AGL: variants seen among roughly 807,000 people sequenced by gnomAD.
AGL encodes glycogen debranching enzyme.
AGL carries 128 observed loss-of-function variants against 199.3 expected under a neutral mutation model. The ratio of observed to expected loss-of-function variants is 0.64; its 90% CI spans 0.56 to 0.74. The LOEUF (loss-of-function observed/expected upper bound fraction) is 0.74. Among genes scored for constraint, AGL ranks in the 30% least tolerant of loss-of-function variants. The pLI, the probability that AGL is intolerant of heterozygous loss-of-function variation, is 0.00. For missense variants in AGL, 1,809 were observed against 1,820.8 expected (o/e 0.99, Z 0.12); for synonymous variants, 584 against 594.7 (o/e 0.98, Z 0.26).
chr1:99,881,687 C>T lies in AGL; in HGVS notation c.2304C>T (p.Ile768=). 1 of 1,613,464 alleles carries T rather than the reference C, an allele frequency of 6.2e-7. No individual in the cohort carries two copies. Among genetic ancestry groups the T allele is most frequent in the South Asian group, 1.1e-5 (1 of 91,056 alleles). ...GCAAGGAAGTGCCTCAAATGTGCAT[C>T]CCTGGTAATGCAATCTAAAAATTGT... ...FYSKEVPQMC[I]PGKIEEVVLE... Residue 768 remains isoleucine, a synonymous_variant, in exon 17 of 34, where the codon ATC becomes ATT. Coordinates refer to ENST00000361915, the MANE Select transcript of AGL (RefSeq NM_000642.3).
intron 20 of AGL, among the ~76,000 whole-genome samples, chr1:99,886,069 T>G (rs1218165057): frequency 6.6e-6 from 1 of 152,226 alleles, no homozygotes; most frequent in Non-Finnish European, 1.5e-5. Context: ...TCCAAGAGTT[T>G]CCATCATTAG....
intron 28 of AGL, among the ~76,000 whole-genome samples, chr1:99,911,547 A>G (rs142781407): frequency 7.4e-4 from 113 of 152,286 alleles, no homozygotes; most frequent in African/African-American, 2.7e-3. Flanking sequence ...GATTCAAGCA[A>G]TTCTCCTGTC....
intron 26 of AGL, among the ~76,000 whole-genome samples, chr1:99,901,270 G>A (rs1465300136): frequency 6.6e-6 from 1 of 151,496 alleles, no homozygotes; most frequent in African/African-American, 2.4e-5. Context: ...AAAGAAGCCA[G>A]GTGTATGGCA....
chr1:99,899,346 TCTTAATTTCATG>T (rs984738033), intron 25 of AGL, among the ~76,000 whole-genome samples: 2 of 152,182 alleles, frequency 1.3e-5, no homozygotes, highest in African/African-American at 4.8e-5. Flanking sequence ...CCTTCTTATT[TCTTAATTTCATG>T]CTGTTTCTAG....
At chr1:99,912,222 A>G (rs1194590862) in intron 28 of AGL, among the ~76,000 whole-genome samples, 183 bp from the exon 29 acceptor site, 1 of 152,228 alleles carries the variant, frequency 6.6e-6, no homozygotes, top group African/African-American at 2.4e-5. Flanking sequence ...GATGATAGAC[A>G]ATGGCAAAAC....
At chr1:99,861,802 A>G (rs984002292) in intron 3 of AGL, 89 bp downstream of exon 3, 10 of 1,444,788 alleles carry the variant, frequency 6.9e-6, no homozygotes, top group Non-Finnish European at 9.7e-6. Context: ...TGTATGAACC[A>G]TGGCAGTGCA....
chr1:99,887,907 TTTC>T (rs1652570035), intron 20 of AGL, 68 bp from the exon 21 acceptor site: 2 of 1,553,596 alleles, frequency 1.3e-6, no homozygotes, highest in African/African-American at 1.4e-5. Context: ...TAATTCAGAT[TTTC>T]TTCTTTTGTT....
Position 99,896,514 on chromosome 1 carries a change from T to C in AGL, c.3362+126T>C. 3.9e-6 allele frequency: 3 copies of C among 773,786 alleles called. No individual in the cohort carries two copies. In the South Asian group the frequency reaches 4.5e-5, roughly 12 times the overall value. The allele number at this position is 773,786 out of a possible 1,614,324, so 47.9% of individuals were successfully genotyped here. A position where few individuals can be genotyped will look rare whatever the true frequency, so the allele number is the denominator to read the frequency against. Reference sequence around the variant, plus strand: ...GAGCTGTATTTTCTTTAGGTAGTTTTTATTTTATTTTTGTATGTTCACTTA... The same window carrying C: ...GAGCTGTATTTTCTTTAGGTAGTTTCTATTTTATTTTTGTATGTTCACTTA... On this transcript the variant is annotated intron_variant, in intron 25 of 33. Transcript: ENST00000361915.
chr1:99,916,588 T>C lies in AGL; in HGVS notation c.4348-10T>C. 1.2e-6 allele frequency: 2 copies of C among 1,612,404 alleles called. No homozygotes were observed. On this transcript the variant is annotated splice_polypyrimidine_tract_variant and intron_variant, in intron 32 of 33. Coordinates refer to ENST00000361915, the MANE Select transcript of AGL (RefSeq NM_000642.3). ...ATGGTTTTTTTTGTCTTTTAAATAA[T>C]CTTTTTTAGGAGTGGCTGTGGCCTA...
intron 12 of AGL, among the ~76,000 whole-genome samples, chr1:99,878,456 G>A (rs898541204): frequency 1.3e-5 from 2 of 152,024 alleles, no homozygotes; most frequent in Non-Finnish European, 2.9e-5. Context: ...AATTATAAGT[G>A]TAAACATAAA....
rs700537 is a variant in AGL at position 99,886,159 on chromosome 1, T to A, written c.2681+1456T>A. Reference sequence around the variant, plus strand: ...CCAGACTAACTGGATTTGAATTCCATTGCAGACTCTTATTAGCTATAAGAA... The same window carrying A: ...CCAGACTAACTGGATTTGAATTCCAATGCAGACTCTTATTAGCTATAAGAA... On this transcript the variant is annotated intron_variant, in intron 20 of 33. Transcript: ENST00000361915. Among the ~76,000 whole-genome samples, 984 of 152,290 alleles carry A rather than the reference T, an allele frequency of 6.5e-3. 14 individuals are homozygous for A. Among genetic ancestry groups the A allele is most frequent in the African/African-American group, 0.023 (950 of 41,560 alleles).
At chr1:99,903,332 G>A (rs74540181) in intron 27 of AGL, among the ~76,000 whole-genome samples, 20,636 of 150,524 alleles carry the variant, frequency 0.14, 1,496 homozygotes, top group Middle Eastern at 0.16. Flanking sequence ...TCCCCTTCCC[G>A]TGTCCAAGTA....
chr1:99,880,049 A>G lies in AGL; in HGVS notation c.1735+3A>G. The G allele has an allele frequency of 3.1e-6, 5 of 1,613,276 alleles. No homozygotes were observed. Among genetic ancestry groups the G allele is most frequent in the East Asian group, 2.2e-5 (1 of 44,756 alleles). On this transcript the variant is annotated splice_donor_region_variant and intron_variant, in intron 13 of 33. Coordinates refer to ENST00000361915, the MANE Select transcript of AGL (RefSeq NM_000642.3). ...GGGCATTAGTTCCTTAATAAGAGGT[A>G]GGCTTGTTGGAGTGTATTTCCCTCT...
At chr1:99,891,813 C>A in intron 23 of AGL, 74 bp downstream of exon 23, 2 of 1,548,538 alleles carry the variant, frequency 1.3e-6, no homozygotes, top group Non-Finnish European at 1.8e-6. Flanking sequence ...CATACATGTT[C>A]TTAAAAAACC....
chr1:99,872,159 T>C (rs986743962), intron 7 of AGL, among the ~76,000 whole-genome samples: 2 of 152,198 alleles, frequency 1.3e-5, no homozygotes, highest in South Asian at 4.1e-4. Context: ...TTTGATAGGT[T>C]GTTTCCAGTT....
chr1:99,872,921 T>C (rs1651146442), intron 7 of AGL, among the ~76,000 whole-genome samples: 1 of 152,228 alleles, frequency 6.6e-6, no homozygotes, highest in African/African-American at 2.4e-5. Context: ...TTAATGTTTC[T>C]TCTCATTTTT....
intron 5 of AGL, among the ~76,000 whole-genome samples, chr1:99,865,435 T>C (rs1650427364): frequency 6.6e-6 from 1 of 152,224 alleles, no homozygotes; most frequent in African/African-American, 2.4e-5. Context: ...AAAGAGCTTA[T>C]TAAATTTAGT....
At position 99,892,589 on chromosome 1, in the gene AGL, T is replaced by C; in HGVS notation, c.3241T>C (p.Cys1081Arg). The change falls in exon 24 of 34, where the codon TGT becomes CGT. Residue 1081 changes from cysteine to arginine, a missense_variant. Coordinates refer to ENST00000361915, the MANE Select transcript of AGL (RefSeq NM_000642.3). ...GATCACAAAAGAAAAGGAGCAATGT[T>C]GTGTTTCTCTAGCTGCAGGTAAGGA... ...NEITKEKEQC[C>R]VSLAAGLPHF... is the part of the protein sequence containing the mutation. 1 of 1,613,494 alleles carries C rather than the reference T, an allele frequency of 6.2e-7. No homozygotes were observed. Among genetic ancestry groups the C allele is most frequent in the Non-Finnish European group, 8.5e-7 (1 of 1,179,610 alleles).
At chr1:99,865,145 TA>T (rs542486639) in intron 5 of AGL, among the ~76,000 whole-genome samples, 1 of 151,922 alleles carries the variant, frequency 6.6e-6, no homozygotes, top group Non-Finnish European at 1.5e-5. Context: ...AGTTATCAGA[TA>T]AAAAAACACA....
Sources: gnomAD v4.1 joint callset for allele counts (sites outside exome capture counted in the v4.1 genomes callset) on GRCh38, gnomAD v4.1.1 for gene constraint, MANE v1.5 for transcripts, NCBI Gene and HGNC (gene_info 2026-07-23, HGNC 2026-07-21) for gene names.